The following TPO variants were observed in gnomAD, a reference collection of about 807,000 sequenced individuals.
TPO encodes the protein thyroid peroxidase.
In TPO, 78 loss-of-function variants were observed where a neutral mutation model predicts 96.9. That is an observed-to-expected ratio of 0.81 (90% CI 0.67 to 0.97). The LOEUF (loss-of-function observed/expected upper bound fraction) is 0.97, where lower values mean the gene tolerates loss of function less well. TPO is among the 50% of genes least tolerant of loss of function. The probability of loss-of-function intolerance (pLI) is 0.00; values close to 1 mark genes in which losing one functional copy is unlikely to be tolerated. For synonymous variants in TPO, 547 were observed against 538.0 expected, an observed-to-expected ratio of 1.02 and a Z score of -0.23; for missense variants, 1,252 against 1,274.8, an observed-to-expected ratio of 0.98 and a Z score of 0.27.
rs1214394725 is a variant in TPO at position 1,433,577 on chromosome 2, C to T, written c.319C>T (p.Leu107=). Residue 107 remains leucine, a synonymous_variant, in exon 4 of 17, where the codon CTG becomes TTG. Coordinates refer to ENST00000329066, the MANE Select transcript of TPO (RefSeq NM_001206744.2). The part of the protein sequence containing the change: ...SIQAMKRKVN[L]KTQQSQHPTD... ...ACAAGCGATGAAAAGAAAAGTCAAC[C>T]TGAAAACTCAACAATCACAGCATCC... 1 of 1,614,106 alleles carries T rather than the reference C, an allele frequency of 6.2e-7. No homozygotes were observed. Among genetic ancestry groups the T allele is most frequent in the South Asian group, 1.1e-5 (1 of 91,072 alleles).
In TPO at chr2:1,403,844, C is replaced by T. The variant is rs13385829; in HGVS notation, n.180+29442C>T. Among the ~76,000 whole-genome samples the T allele has an allele frequency of 4.3e-3, 648 of 152,284 alleles. 3 individuals carry two copies. The highest frequency in any genetic ancestry group is 0.015 in the African/African-American group (621 of 41,552). ...CACGCCGGGCCCCACCAAATCTCCC[C>T]TCTGCACGCAGCGGCAGCATGGAAA... On this transcript the variant is annotated intron_variant and non_coding_transcript_variant, in intron 1 of 5. Coordinates refer to the TPO transcript ENST00000497517.
intron 3 of TPO, among the ~76,000 whole-genome samples, chr2:1,430,797 C>T (rs1424383957): frequency 6.6e-6 from 1 of 151,850 alleles, no homozygotes; most frequent in African/African-American, 2.4e-5. Context: ...GGTGTGGGGC[C>T]TATCAAGCCT....
chr2:1,434,683 T>G lies in TPO; in HGVS notation c.349+1076T>G, dbSNP rs561544672. ...TGCCGGGTCTGTAGACATCGATGTT[T>G]AGGAGAATAGGCTGAGGTATTTGGT... On this transcript the variant is annotated intron_variant, in intron 4 of 16. Coordinates refer to ENST00000329066, the MANE Select transcript of TPO (RefSeq NM_001206744.2). 6.6e-5 allele frequency among the ~76,000 whole-genome samples: 10 copies of G among 152,310 alleles called. No homozygotes were observed. In the East Asian group the frequency reaches 1.9e-3, roughly 29 times the overall value.
chr2:1,477,727 A>G (rs954553862), intron 8 of TPO, 123 bp downstream of exon 8: 3 of 1,373,988 alleles, frequency 2.2e-6, no homozygotes, highest in Non-Finnish European at 2.8e-6. Context: ...GGGCGCCCAC[A>G]TGGGTGAGCT....
intron 4 of TPO, 119 bp from the exon 5 acceptor site, chr2:1,436,133 C>A: frequency 6.6e-7 from 1 of 1,505,072 alleles, no homozygotes; most frequent in Non-Finnish European, 9.2e-7. Flanking sequence ...AACAGTGACC[C>A]CAGTTACATA....
chr2:1,498,492 G>T (rs1573439900), intron 13 of TPO, among the ~76,000 whole-genome samples: 1 of 152,352 alleles, frequency 6.6e-6, no homozygotes, highest in Admixed American at 6.5e-5. Flanking sequence ...CATAGGTGAG[G>T]GGGTGTCATC....
intron 14 of TPO, among the ~76,000 whole-genome samples, chr2:1,510,236 A>G (rs1202191090): frequency 6.6e-6 from 1 of 150,548 alleles, no homozygotes; most frequent in Non-Finnish European, 1.5e-5. Context: ...CGAAGCTGCC[A>G]CATTCACAGA....
At chr2:1,530,891 GTGTGCAACCTCCCCAAATCCCCCCCACTC>G (rs1677987412) in intron 15 of TPO, among the ~76,000 whole-genome samples, 1 of 33,464 alleles carries the variant, frequency 3.0e-5, no homozygotes, top group Non-Finnish European at 5.6e-5. Flanking sequence ...TCCCCCCACT[GTGTGCAACCTCCCCAAATCCCCCCCACTC>G]TGTGCGACCT....
At chr2:1,516,784 A>T in intron 14 of TPO, 99 bp from the exon 15 acceptor site, 1 of 1,111,662 alleles carries the variant, frequency 9.0e-7, no homozygotes, top group Non-Finnish European at 1.4e-6. Context: ...GGTGAAGGCC[A>T]CTGGCCCAGG....
chr2:1,530,854 A>C (rs1204437672), intron 15 of TPO, among the ~76,000 whole-genome samples: 1,556 of 23,432 alleles, frequency 0.066, no homozygotes, highest in Non-Finnish European at 0.074. Flanking sequence ...CTCCCCAAAT[A>C]CCCCCACTGT....
intron 15 of TPO, among the ~76,000 whole-genome samples, chr2:1,519,575 T>A (rs1315285641): frequency 6.6e-6 from 1 of 152,222 alleles, no homozygotes; most frequent in African/African-American, 2.4e-5. Context: ...CCCTATGTTT[T>A]ATGAATCATT....
intron 3 of TPO, among the ~76,000 whole-genome samples, chr2:1,432,919 GTT>G (rs1371719793): frequency 1.3e-5 from 2 of 152,148 alleles, no homozygotes; most frequent in African/African-American, 4.8e-5. Context: ...ATGAGGGTGT[GTT>G]TAGCTCTCAC....
At chr2:1,398,435 C>T (rs1662118229) in intron 1 of TPO, among the ~76,000 whole-genome samples, 1 of 152,234 alleles carries the variant, frequency 6.6e-6, no homozygotes, top group Non-Finnish European at 1.5e-5. Context: ...TGGCTTCCCA[C>T]TGCAAACAAG....
intron 13 of TPO, among the ~76,000 whole-genome samples, chr2:1,502,685 C>T (rs986076994): frequency 1.6e-4 from 24 of 152,262 alleles, no homozygotes; most frequent in Admixed American, 1.4e-3. Context: ...CCACCGGACC[C>T]GACTTCTTAT....
upstream of TPO, among the ~76,000 whole-genome samples, chr2:1,408,932 C>T (rs1662286121): frequency 1.3e-5 from 2 of 152,126 alleles, no homozygotes; most frequent in South Asian, 4.2e-4. Flanking sequence ...GAGAGGTGAC[C>T]CTTGGTGAGA....
At chr2:1,377,451 C>T (rs910187746) in intron 1 of TPO, among the ~76,000 whole-genome samples, 1 of 152,214 alleles carries the variant, frequency 6.6e-6, no homozygotes, top group African/African-American at 2.4e-5. Flanking sequence ...GAAACCCTTA[C>T]CTCGCCGTGG....
intron 15 of TPO, among the ~76,000 whole-genome samples, chr2:1,537,439 C>G (rs1436126712): frequency 3.7e-3 from 262 of 71,360 alleles, no homozygotes; most frequent in Non-Finnish European, 5.0e-3. Flanking sequence ...TGTGTGCAAA[C>G]TCCCAAATCT....
chr2:1,524,359 C>A (rs1376320796), intron 15 of TPO, among the ~76,000 whole-genome samples: 3 of 141,440 alleles, frequency 2.1e-5, no homozygotes, highest in African/African-American at 8.0e-5. Flanking sequence ...CAAATCCCTC[C>A]ACTCTGTTCA....
intron 15 of TPO, among the ~76,000 whole-genome samples, chr2:1,537,141 A>C: frequency 1.1e-5 from 1 of 91,154 alleles, no homozygotes. Flanking sequence ...ACCTCCGCAA[A>C]TACCCCCACT....
Sources: gnomAD v4.1 joint callset for allele counts (sites outside exome capture counted in the v4.1 genomes callset) on GRCh38, gnomAD v4.1.1 for gene constraint, MANE v1.5 for transcripts, NCBI Gene and HGNC (gene_info 2026-07-23, HGNC 2026-07-21) for gene names.